Variants in PLXND1 observed in about 807,000 individuals in gnomAD.
The protein encoded by PLXND1 is plexin-D1.
Under a neutral mutation model 197.7 loss-of-function variants are expected in PLXND1, and 54 were observed. The observed-to-expected ratio is 0.27, with a 90% confidence interval of 0.22 to 0.34. The LOEUF (loss-of-function observed/expected upper bound fraction) is 0.34. Ranked by LOEUF, PLXND1 falls within the 10% of genes least tolerant of loss-of-function variation. The probability of loss-of-function intolerance (pLI) is 1.00; values close to 1 mark genes in which losing one functional copy is unlikely to be tolerated. For synonymous variants in PLXND1, 1,180 were observed against 1,161.2 expected (o/e 1.02, Z -0.33); for missense variants, 2,127 against 2,699.2 (o/e 0.79, Z 4.70).
At chr3:129,591,697 A>C (rs2085544601) in intron 1 of PLXND1, 1 of 152,238 alleles carries the variant, frequency 6.6e-6, no homozygotes, top group Non-Finnish European at 1.5e-5. Context: ...CTGATCAAAA[A>C]AGAAAGAAAG....
Position 129,571,676 on chromosome 3 carries a change from C to T in PLXND1, c.3245+1G>A. ...GGGGAAGGGCGGGGTGCCAGTCTCA[C>T]CTGACAGGGCTGCGGCGGGGACTGA... On this transcript the variant is annotated splice_donor_variant, in intron 16 of 35. Transcript: ENST00000324093. LOFTEE classifies it high-confidence loss of function. 1.2e-6 allele frequency: 2 copies of T among 1,613,988 alleles called. No homozygotes were observed. Among genetic ancestry groups the T allele is most frequent in the Non-Finnish European group, 8.5e-7 (1 of 1,179,990 alleles).
intron 34 of PLXND1, 101 bp from the exon 35 acceptor site, chr3:129,556,792 GC>G (rs918594584): frequency 1.2e-6 from 1 of 865,330 alleles, no homozygotes; most frequent in Non-Finnish European, 1.9e-6. Flanking sequence ...ACTCCCCACG[GC>G]CCCCACAGAA....
intron 8 of PLXND1, among the ~76,000 whole-genome samples, chr3:129,578,799 CA>C (rs993890256): frequency 1.3e-5 from 2 of 152,180 alleles, no homozygotes; most frequent in East Asian, 1.9e-4. Context: ...AATAGTAGAA[CA>C]GGGGGGCTGC....
At position 129,596,189 on chromosome 3, in the gene PLXND1, G is replaced by C. The variant is rs72991656; in HGVS notation, c.1312-6662C>G. ...TTCCCAATTAGCTATGCAGACCACG[G>C]AGCAGAGGCTCGGGAGCTCCCGAGG... is the stretch of plus-strand genomic sequence containing the variant. On this transcript the variant is annotated intron_variant, in intron 1 of 35. Transcript: ENST00000324093. Among the ~76,000 whole-genome samples, 853 of 152,154 alleles carry C rather than the reference G, an allele frequency of 5.6e-3. 9 individuals carry two copies. The highest frequency in any genetic ancestry group is 0.019 in the African/African-American group (786 of 41,506).
chr3:129,590,524 C>G (rs925237699), intron 1 of PLXND1, among the ~76,000 whole-genome samples: 1 of 152,198 alleles, frequency 6.6e-6, no homozygotes, highest in Non-Finnish European at 1.5e-5. Context: ...GTGCGTCCAT[C>G]ATGGCTTATC....
chr3:129,585,675 T>C (rs1362811745), intron 5 of PLXND1, among the ~76,000 whole-genome samples: 1 of 152,206 alleles, frequency 6.6e-6, no homozygotes, highest in Admixed American at 6.5e-5. Flanking sequence ...GTTTCACCAC[T>C]TGGTGCCTCA....
chr3:129,570,308 G>A (rs1412984564), intron 19 of PLXND1, among the ~76,000 whole-genome samples: 1 of 152,132 alleles, frequency 6.6e-6, no homozygotes, highest in Non-Finnish European at 1.5e-5. Flanking sequence ...GGGTAGGTGA[G>A]GTATGAGGAC....
intron 19 of PLXND1, 154 bp downstream of exon 19, chr3:129,570,632 T>C (rs2085210004): frequency 1.4e-6 from 1 of 738,368 alleles, no homozygotes; most frequent in Non-Finnish European, 2.3e-6. Context: ...TTTCCTCATA[T>C]GTCAAGTGGG....
intron 1 of PLXND1, among the ~76,000 whole-genome samples, chr3:129,590,266 C>A (rs181186577): frequency 6.6e-6 from 1 of 151,874 alleles, no homozygotes; most frequent in Non-Finnish European, 1.5e-5. Flanking sequence ...AAATCAGCTG[C>A]GGCTCACAGG....
intron 34 of PLXND1, 32 bp from the exon 35 acceptor site, chr3:129,556,723 C>T (rs1346284403): frequency 3.9e-6 from 6 of 1,521,272 alleles, no homozygotes; most frequent in Non-Finnish European, 3.6e-6. Flanking sequence ...AGGAGGTTAG[C>T]CCAGCGGTCA....
In PLXND1 at chr3:129,571,773, C is replaced by T. The variant is rs754741405; in HGVS notation, c.3149G>A (p.Arg1050His). The T allele has an allele frequency of 6.8e-6, 11 of 1,613,280 alleles. No homozygotes were observed. Among genetic ancestry groups the T allele is most frequent in the East Asian group, 6.7e-5 (3 of 44,872 alleles). The change falls in exon 16 of 36, where the codon CGC becomes CAC. Residue 1050 changes from arginine (R) to histidine (H), a missense_variant. Around this residue, in one of 6 missense-constraint regions of PLXND1, gnomAD observed 1,095 missense variants for 1,259.8 expected, o/e 0.87. Coordinates refer to ENST00000324093, the MANE Select transcript of PLXND1 (RefSeq NM_015103.3). The stretch of plus-strand genomic sequence containing the variant: ...GTGCACGCAGCCCCGACGCTCGAAG[C>T]GCACACACACAGGCACCGGAGCCGG... ...ALPAPVPVCV[R>H]FERRGCVHGN... is the part of the protein sequence containing the mutation.
chr3:129,591,446 T>C (rs1309645487), intron 1 of PLXND1: 6 of 152,306 alleles, frequency 3.9e-5, no homozygotes, highest in Non-Finnish European at 7.3e-5. Context: ...TAGTGTGCTA[T>C]GCTGATCGGG....
At chr3:129,600,048 C>T (rs1013140040) in intron 1 of PLXND1, among the ~76,000 whole-genome samples, 3 of 152,228 alleles carry the variant, frequency 2.0e-5, no homozygotes, top group Non-Finnish European at 2.9e-5. Flanking sequence ...GCGAGCTCGG[C>T]GACGGTTTTT....
chr3:129,561,331 G>A (rs1242118070), intron 29 of PLXND1, among the ~76,000 whole-genome samples: 2 of 152,216 alleles, frequency 1.3e-5, no homozygotes, highest in African/African-American at 2.4e-5. Context: ...TTGAGGCAGG[G>A]ACATGGCCCA....
At chr3:129,562,651 G>T in intron 27 of PLXND1, 136 bp downstream of exon 27, 1 of 736,556 alleles carries the variant, frequency 1.4e-6, no homozygotes, top group South Asian at 2.1e-5. Flanking sequence ...TTCTTGCTGA[G>T]GGGGCCTCAT....
chr3:129,599,373 C>G (rs1207602805), intron 1 of PLXND1, among the ~76,000 whole-genome samples: 1 of 152,218 alleles, frequency 6.6e-6, no homozygotes, highest in African/African-American at 2.4e-5. Flanking sequence ...ATGGGACTTT[C>G]CACAGCTAGG....
Position 129,555,255 on chromosome 3 carries a change from A to G in PLXND1, c.*1057T>C. On this transcript the variant is annotated 3_prime_UTR_variant, in exon 36 of 36. Transcript: ENST00000324093. Reference sequence around the variant, plus strand: ...GCTTTTATTATAAAGAAGATTCCAGAGTCCCAGCTGCCCCCCTCCAGCCCC... The same window carrying G: ...GCTTTTATTATAAAGAAGATTCCAGGGTCCCAGCTGCCCCCCTCCAGCCCC... The G allele has an allele frequency of 2.2e-6, 1 of 460,018 alleles. No individual in the cohort carries two copies. The highest frequency in any genetic ancestry group is 3.7e-5 in the East Asian group (1 of 27,282). 28.5% of individuals were successfully genotyped at this position (460,018 alleles called of 1,614,324 possible).
At chr3:129,578,677 C>A (rs961150334) in intron 8 of PLXND1, 1 of 509,592 alleles carries the variant, frequency 2.0e-6, no homozygotes, top group Non-Finnish European at 3.5e-6. Context: ...GATGGCATAA[C>A]CCGCCCAGTG....
chr3:129,593,278 C>T (rs1330511330), intron 1 of PLXND1, among the ~76,000 whole-genome samples: 1 of 152,196 alleles, frequency 6.6e-6, no homozygotes, highest in Non-Finnish European at 1.5e-5. Context: ...CTCTGCCCCA[C>T]CCGCTGCGCC....
Sources: allele counts gnomAD v4.1 joint callset (sites outside exome capture counted in the v4.1 genomes callset), GRCh38; gene constraint gnomAD v4.1.1; regional missense constraint gnomAD v4.1.1; transcripts MANE v1.5; gene names NCBI Gene and HGNC (gene_info 2026-07-23, HGNC 2026-07-21).